The following MAP3K3 variants were observed in gnomAD, a reference collection of about 807,000 sequenced individuals.
MAP3K3 encodes mitogen-activated protein kinase kinase kinase 3, also known as MAP/ERK kinase kinase 3.
Under a neutral mutation model 80.9 loss-of-function variants are expected in MAP3K3, and 12 were observed. The ratio of observed to expected loss-of-function variants is 0.15; its 90% CI spans 0.10 to 0.24. The LOEUF is 0.24. Among genes scored for constraint, MAP3K3 ranks in the 10% least tolerant of loss-of-function variants. The probability of loss-of-function intolerance (pLI) is 1.00; values close to 1 mark genes in which losing one functional copy is unlikely to be tolerated. For missense variants in MAP3K3, 596 were observed against 834.7 expected (o/e 0.71, Z 3.52); for synonymous variants, 272 against 307.1 (o/e 0.89, Z 1.19).
chr17:63,630,536 A>G (rs1436436125), intron 1 of MAP3K3, among the ~76,000 whole-genome samples: 2 of 152,164 alleles, frequency 1.3e-5, no homozygotes, highest in African/African-American at 4.8e-5. Flanking sequence ...CATGTTGCCC[A>G]GTCTGGTCTC....
At chr17:63,673,820 G>T (rs1425920052) in intron 6 of MAP3K3, among the ~76,000 whole-genome samples, 1 of 152,170 alleles carries the variant, frequency 6.6e-6, no homozygotes, top group Admixed American at 6.5e-5. Flanking sequence ...TGAGGCAGGA[G>T]AATTGCTTGA....
intron 1 of MAP3K3, among the ~76,000 whole-genome samples, chr17:63,623,887 C>A (rs969592716): frequency 6.6e-6 from 1 of 152,208 alleles, no homozygotes; most frequent in Non-Finnish European, 1.5e-5. Context: ...TTGCCTTGCC[C>A]TATAGCAAGG....
chr17:63,667,416 C>G (rs1447549320), intron 6 of MAP3K3, among the ~76,000 whole-genome samples: 3 of 152,152 alleles, frequency 2.0e-5, no homozygotes, highest in Non-Finnish European at 4.4e-5. Flanking sequence ...GGAATCGGGT[C>G]TAAGTTTGAA....
intron 2 of MAP3K3, among the ~76,000 whole-genome samples, chr17:63,635,261 A>G (rs2034299798): frequency 6.6e-6 from 1 of 152,026 alleles, no homozygotes; most frequent in Admixed American, 6.6e-5. Flanking sequence ...ATTCATTGGT[A>G]TGTTCATTCC....
chr17:63,681,973 A>ATACT (rs1369765153), intron 7 of MAP3K3, 74 bp downstream of exon 7: 4 of 1,271,734 alleles, frequency 3.1e-6, no homozygotes, highest in Non-Finnish European at 3.1e-6. Context: ...GGTTCTTAGT[A>ATACT]GTCACAGTGC....
chr17:63,649,381 G>A (rs1340494291), intron 3 of MAP3K3, among the ~76,000 whole-genome samples: 1 of 151,250 alleles, frequency 6.6e-6, no homozygotes, highest in East Asian at 1.9e-4. Context: ...AGCTTGCAGT[G>A]AGCCGAGATC....
At chr17:63,682,541 C>G (rs1472138405) in intron 7 of MAP3K3, 1 of 152,230 alleles carries the variant, frequency 6.6e-6, no homozygotes, top group East Asian at 1.9e-4. Context: ...AGGCTGCCTG[C>G]CTTTCTTGAG....
intron 2 of MAP3K3, among the ~76,000 whole-genome samples, chr17:63,636,384 A>T (rs1431225683): frequency 6.6e-6 from 1 of 152,052 alleles, no homozygotes. Flanking sequence ...TCCCTTTTGT[A>T]TATTGGGTCT....
At chr17:63,679,191 C>G (rs1015008569) in intron 6 of MAP3K3, among the ~76,000 whole-genome samples, 1 of 152,196 alleles carries the variant, frequency 6.6e-6, no homozygotes, top group Non-Finnish European at 1.5e-5. Flanking sequence ...GCCTAGGCAA[C>G]ATAGCGAGAC....
intron 8 of MAP3K3, among the ~76,000 whole-genome samples, 162 bp downstream of exon 8, chr17:63,685,752 A>C (rs1432232209): frequency 6.6e-6 from 1 of 152,234 alleles, no homozygotes; most frequent in Admixed American, 6.5e-5. Flanking sequence ...TTATGATGGC[A>C]TAATTAAATG....
chr17:63,679,694 T>C (rs1294368054), intron 6 of MAP3K3, among the ~76,000 whole-genome samples: 2 of 152,132 alleles, frequency 1.3e-5, no homozygotes, highest in Admixed American at 6.5e-5. Context: ...CCCATGCTGG[T>C]CTCAAACTCC....
At chr17:63,632,583 CT>C in intron 1 of MAP3K3, 97 bp from the exon 2 acceptor site, 2 of 1,397,148 alleles carry the variant, frequency 1.4e-6, no homozygotes, top group Non-Finnish European at 2.0e-6. Flanking sequence ...GTCATTTTAC[CT>C]GGGCAGAACT....
rs147630780 is a variant in MAP3K3, at chr17:63,649,046, A to G, written c.167+2972A>G. Among the ~76,000 whole-genome samples, 932 of 152,332 alleles carry G rather than the reference A, an allele frequency of 6.1e-3. 6 individuals carry two copies. Among genetic ancestry groups the G allele is most frequent in the Non-Finnish European group, 9.9e-3 (674 of 68,038 alleles). On this transcript the variant is annotated intron_variant, in intron 3 of 15. Coordinates refer to ENST00000361733, the MANE Select transcript of MAP3K3 (RefSeq NM_002401.5). ...CTTTCTGCTATAATGGAAATGTTCT[A>G]TATCTGTGCTGTCCAGTACACATAT...
rs115890040 is a variant in MAP3K3 at position 63,692,327 on chromosome 17, G to A, written c.1560G>A (p.Ser520=). 1.6e-3 allele frequency: 2,570 copies of A among 1,613,900 alleles called. 40 individuals carry two copies. The African/African-American group carries it at 0.03, about 19-fold the overall frequency. Reference sequence around the variant, plus strand: ...AACGCCTGCAGACGATCTGTATGTCGGGGACGGGCATGCGCTCCGTCACTG... The same window carrying A: ...AACGCCTGCAGACGATCTGTATGTCAGGGACGGGCATGCGCTCCGTCACTG... ...ASKRLQTICM[S]GTGMRSVTGT... The change falls in exon 15 of 16, where the codon TCG becomes TCA. Residue 520 remains serine, a synonymous_variant. Coordinates refer to ENST00000361733, the MANE Select transcript of MAP3K3 (RefSeq NM_002401.5). This position sits in a 1 kb window ranked among gnomAD's most constrained non-coding sequence, Gnocchi z 4.5.
At position 63,693,885 on chromosome 17, in the gene MAP3K3, G is replaced by A. The variant is rs1291892014; in HGVS notation, c.*108G>A. 2 of 982,366 alleles carry A rather than the reference G, an allele frequency of 2.0e-6. No individual in the cohort carries two copies. Among genetic ancestry groups the A allele is most frequent in the Non-Finnish European group, 3.0e-6 (2 of 673,108 alleles). The allele number at this position is 982,366 out of a possible 1,614,324, so 60.9% of individuals were successfully genotyped here. A position where few individuals can be genotyped will look rare whatever the true frequency, so the allele number is the denominator to read the frequency against. On this transcript the variant is annotated 3_prime_UTR_variant, in exon 16 of 16. Coordinates refer to ENST00000361733, the MANE Select transcript of MAP3K3 (RefSeq NM_002401.5). This position sits in a 1 kb window ranked among gnomAD's most constrained non-coding sequence, Gnocchi z 4.2. ...CCCAGGCAAGGCTGTGGACCATGGA[G>A]TGGCAGCCCAGCCAGCGTCGGTCTG... is the stretch of plus-strand genomic sequence containing the variant.
At chr17:63,646,821 A>G (rs2034549577) in intron 3 of MAP3K3, among the ~76,000 whole-genome samples, 1 of 152,198 alleles carries the variant, frequency 6.6e-6, no homozygotes, top group South Asian at 2.1e-4. Flanking sequence ...AACTCTGGAC[A>G]TGGGATATTT....
At chr17:63,642,719 G>A (rs1035210685) in intron 2 of MAP3K3, among the ~76,000 whole-genome samples, 6 of 152,082 alleles carry the variant, frequency 3.9e-5, no homozygotes, top group African/African-American at 1.4e-4. Context: ...TTATGTGTGT[G>A]TGTGTTTTTA....
rs1568158360 is a variant in MAP3K3, at chr17:63,693,585, G to A, written c.1689G>A (p.Glu563=). Residue 563 remains glutamate (E), a synonymous_variant, in exon 16 of 16, where the codon GAG becomes GAA. Coordinates refer to ENST00000361733, the MANE Select transcript of MAP3K3 (RefSeq NM_002401.5). This position sits in a 1 kb window ranked among gnomAD's most constrained non-coding sequence, Gnocchi z 4.2. ...GCACTGTGGTGGAGATGCTGACAGA[G>A]AAACCACCGTGGGCAGAGTATGAAG... The part of the protein sequence containing the change: ...LGCTVVEMLT[E]KPPWAEYEAM... The A allele has an allele frequency of 3.7e-6, 6 of 1,607,880 alleles. No individual in the cohort carries two copies. In the African/African-American group the frequency reaches 6.7e-5, roughly 18 times the overall value.
At chr17:63,629,995 A>G (rs2034183291) in intron 1 of MAP3K3, among the ~76,000 whole-genome samples, 1 of 152,296 alleles carries the variant, frequency 6.6e-6, no homozygotes, top group African/African-American at 2.4e-5. Context: ...CTGTATGTGT[A>G]TTCACATCCA....
Sources: gnomAD v4.1 joint callset for allele counts (sites outside exome capture counted in the v4.1 genomes callset) on GRCh38, gnomAD v4.1.1 for gene constraint, Gnocchi (gnomAD v3.1) non-coding constraint, MANE v1.5 for transcripts, NCBI Gene and HGNC (gene_info 2026-07-23, HGNC 2026-07-21) for gene names.